Variants in NGEF observed in about 807,000 individuals in gnomAD.
NGEF encodes the protein ephexin-1.
Under a neutral mutation model 80.9 loss-of-function variants are expected in NGEF, and 31 were observed. That is an observed-to-expected ratio of 0.38 (90% CI 0.29 to 0.52). The LOEUF (loss-of-function observed/expected upper bound fraction) is 0.52. Ranked by LOEUF, NGEF falls within the 20% of genes least tolerant of loss-of-function variation. NGEF has a pLI of 0.84. For synonymous variants in NGEF, 371 were observed against 370.2 expected, an observed-to-expected ratio of 1.00 and a Z score of -0.03; for missense variants, 709 against 926.2, an observed-to-expected ratio of 0.77 and a Z score of 3.04.
chr2:232,909,120 G>A (rs1266769397), intron 5 of NGEF, among the ~76,000 whole-genome samples: 1 of 152,118 alleles, frequency 6.6e-6, no homozygotes, highest in Non-Finnish European at 1.5e-5. Context: ...ACACTGAATC[G>A]TGTTAGCAGG....
intron 3 of NGEF, among the ~76,000 whole-genome samples, chr2:232,929,055 G>T (rs933570496): frequency 1.3e-5 from 2 of 152,212 alleles, no homozygotes; most frequent in African/African-American, 4.8e-5. Flanking sequence ...GCGCTGCCCG[G>T]TGTCCTTTTC....
At chr2:232,986,437 G>T (rs1694533100) in intron 1 of NGEF, among the ~76,000 whole-genome samples, 1 of 152,228 alleles carries the variant, frequency 6.6e-6, no homozygotes, top group East Asian at 1.9e-4. Flanking sequence ...TGATAGCCAA[G>T]ATGTGGAATC....
chr2:232,970,321 C>G lies in NGEF; in HGVS notation c.276G>C (p.Gln92His). The G allele has an allele frequency of 1.3e-6, 2 of 1,583,892 alleles. No individual in the cohort carries two copies. Among genetic ancestry groups the G allele is most frequent in the Non-Finnish European group, 1.7e-6 (2 of 1,162,884 alleles). The change falls in exon 3 of 15, where the codon CAG (glutamine) becomes CAC (histidine). Residue 92 changes from glutamine (Q) to histidine (H), a missense_variant. Physicochemically the swap from Gln to His is conservative, Grantham distance 24. Transcript: ENST00000264051. ...ERNASCLADS[Q>H]DNGKSVNEPL... is the part of the protein sequence containing the mutation. Reference sequence around the variant, plus strand: ...GCTCATTTACAGATTTTCCATTGTCCTGTGAATCTGTGACAATTCAGAAAT... The same window carrying G: ...GCTCATTTACAGATTTTCCATTGTCGTGTGAATCTGTGACAATTCAGAAAT...
intron 3 of NGEF, among the ~76,000 whole-genome samples, chr2:232,943,462 C>T (rs1037893727): frequency 2.0e-5 from 3 of 152,114 alleles, no homozygotes; most frequent in Admixed American, 1.3e-4. Flanking sequence ...GCTGTCTCCA[C>T]CGACTGTATA....
At chr2:232,906,735 AG>A (rs911356956) in intron 5 of NGEF, among the ~76,000 whole-genome samples, 1 of 150,808 alleles carries the variant, frequency 6.6e-6, no homozygotes, top group African/African-American at 2.4e-5. Context: ...TTTGTGGAAT[AG>A]AAAAGGGGGC....
At chr2:232,991,710 C>T (rs1429083080) in intron 1 of NGEF, among the ~76,000 whole-genome samples, 1 of 152,116 alleles carries the variant, frequency 6.6e-6, no homozygotes, top group Non-Finnish European at 1.5e-5. Flanking sequence ...ATTAAAATCC[C>T]AGGTGGCTTG....
intron 1 of NGEF, among the ~76,000 whole-genome samples, chr2:233,003,589 C>T (rs1000365438): frequency 6.6e-6 from 1 of 152,154 alleles, no homozygotes; most frequent in African/African-American, 2.4e-5. Context: ...CACATACCAC[C>T]CTGCCCTACC....
intron 1 of NGEF, among the ~76,000 whole-genome samples, chr2:233,000,601 A>T (rs967289790): frequency 4.6e-5 from 7 of 152,078 alleles, no homozygotes; most frequent in African/African-American, 1.7e-4. Flanking sequence ...AGTAAAAAAA[A>T]TACAAAAAAT....
intron 3 of NGEF, among the ~76,000 whole-genome samples, chr2:232,939,982 G>T (rs1374500499): frequency 6.7e-6 from 1 of 149,694 alleles, no homozygotes; most frequent in Admixed American, 6.7e-5. Context: ...GAGCGACAGA[G>T]TGGGACTCCA....
At chr2:233,003,175 T>C (rs1044713538) in intron 1 of NGEF, among the ~76,000 whole-genome samples, 5 of 152,142 alleles carry the variant, frequency 3.3e-5, no homozygotes, top group Non-Finnish European at 5.9e-5. Flanking sequence ...TGGCGGAGCA[T>C]TCCTGGTGCA....
chr2:232,942,443 G>T (rs1462682949), intron 3 of NGEF, among the ~76,000 whole-genome samples: 1 of 152,216 alleles, frequency 6.6e-6, no homozygotes, highest in Non-Finnish European at 1.5e-5. Context: ...GGATTGTCGG[G>T]TTCCTCTCGG....
At position 232,927,149 on chromosome 2, in the gene NGEF, C is replaced by T. The variant is rs199654749; in HGVS notation, c.421G>A (p.Glu141Lys). 5 of 1,604,714 alleles carry T rather than the reference C, an allele frequency of 3.1e-6. No individual in the cohort carries two copies. In the African/African-American group the frequency reaches 4.0e-5, roughly 13 times the overall value. ...CTGTCGGCCAGGGCCGGCCACTCCT[C>T]GGGCGTGGCCCCATTTCCCGGGGTG... ...SSTPGNGATPEEWPALADSPT... is the reference protein window; with the variant it reads ...SSTPGNGATPKEWPALADSPT... Residue 141 changes from glutamate (E) to lysine (K), a missense_variant, in exon 4 of 15, where the codon GAG becomes AAG. Glu to Lys is a moderately conservative substitution (Grantham distance 56, BLOSUM62 1). Transcript: ENST00000264051.
intron 1 of NGEF, among the ~76,000 whole-genome samples, chr2:232,996,669 GT>G (rs1015491201): frequency 1.3e-5 from 2 of 152,102 alleles, no homozygotes; most frequent in African/African-American, 4.8e-5. Flanking sequence ...TCATTTTTGT[GT>G]TTTTAGTAGA....
intron 3 of NGEF, 118 bp from the exon 4 acceptor site, chr2:232,927,304 G>T: frequency 1.8e-6 from 2 of 1,123,594 alleles, no homozygotes; most frequent in East Asian, 5.8e-5. Context: ...ACCCGGGACC[G>T]TCCAGGGGCA....
Position 232,920,699 on chromosome 2 carries a change from T to C in NGEF, c.527-114A>G, listed in dbSNP as rs1692924009. 7 of 1,054,556 alleles carry C rather than the reference T, an allele frequency of 6.6e-6. No homozygotes were observed. In the South Asian group the frequency reaches 1.2e-4, roughly 18 times the overall value. 65.3% of individuals were successfully genotyped at this position (1,054,556 alleles called of 1,614,324 possible). A position where few individuals can be genotyped will look rare whatever the true frequency, so the allele number is the denominator to read the frequency against. On this transcript the variant is annotated intron_variant, in intron 4 of 14. Transcript: ENST00000264051. ...CAAGGGTGGCTGCTGTGTCCAGGAATACACAGTGCAAGCCAGCCCTGCACC... is the reference window on the plus strand; with the variant it reads ...CAAGGGTGGCTGCTGTGTCCAGGAACACACAGTGCAAGCCAGCCCTGCACC...
At chr2:232,882,693 G>C (rs1021093278) in intron 12 of NGEF, among the ~76,000 whole-genome samples, 1 of 152,214 alleles carries the variant, frequency 6.6e-6, no homozygotes, top group African/African-American at 2.4e-5. Context: ...TGAGTTGTGG[G>C]TAAGGGGCAG....
At chr2:233,006,066 C>T (rs1359418414) in intron 1 of NGEF, among the ~76,000 whole-genome samples, 2 of 152,220 alleles carry the variant, frequency 1.3e-5, no homozygotes, top group African/African-American at 2.4e-5. Context: ...ATCCGCCCAC[C>T]TTGGCCTCCC....
intron 1 of NGEF, among the ~76,000 whole-genome samples, chr2:233,011,256 T>C (rs1695197197): frequency 6.6e-6 from 1 of 151,886 alleles, no homozygotes; most frequent in South Asian, 2.1e-4. Flanking sequence ...AGCAATTATC[T>C]ATGAAGGAGT....
At chr2:232,961,215 A>T (rs1395680903) in intron 3 of NGEF, among the ~76,000 whole-genome samples, 2 of 152,126 alleles carry the variant, frequency 1.3e-5, no homozygotes, top group East Asian at 3.9e-4. Flanking sequence ...TAAATCATTA[A>T]TCTACTGCCT....
Sources: allele counts gnomAD v4.1 joint callset (sites outside exome capture counted in the v4.1 genomes callset), GRCh38; gene constraint gnomAD v4.1.1; transcripts MANE v1.5; gene names NCBI Gene and HGNC (gene_info 2026-07-23, HGNC 2026-07-21).